Variants in PDE1A observed in about 807,000 individuals in gnomAD.
PDE1A encodes phosphodiesterase 1A.
PDE1A carries 35 observed loss-of-function variants against 61.7 expected under a neutral mutation model. That is an observed-to-expected ratio of 0.57 (90% CI 0.43 to 0.75). The LOEUF is 0.75. Ranked by LOEUF, PDE1A falls within the 30% of genes least tolerant of loss-of-function variation. The probability of loss-of-function intolerance (pLI) is 0.00; values close to 1 mark genes in which losing one functional copy is unlikely to be tolerated. For missense variants in PDE1A, 597 were observed against 630.6 expected, an observed-to-expected ratio of 0.95 and a Z score of 0.57; for synonymous variants, 232 against 213.2, an observed-to-expected ratio of 1.09 and a Z score of -0.77.
the PDE1A span, among the ~76,000 whole-genome samples, chr2:182,598,954 G>C: frequency 0.053 from 8,131 of 152,278 alleles, 247 homozygotes; most frequent in Middle Eastern, 0.085. Context: ...TGGGATGGAG[G>C]CTGGAGTTCT....
At chr2:182,684,283 T>C in the PDE1A span, among the ~76,000 whole-genome samples, 1 of 152,162 alleles carries the variant, frequency 6.6e-6, no homozygotes, top group African/African-American at 2.4e-5. Flanking sequence ...GACAATACCG[T>C]ATGTAATATA....
At chr2:182,201,663 A>AAAAAAAAAC in intron 9 of PDE1A, 25 bp downstream of exon 9, 1 of 1,517,994 alleles carries the variant, frequency 6.6e-7, no homozygotes, top group South Asian at 1.2e-5. Context: ...AAAAAAAAAA[A>AAAAAAAAAC]CAACAAAAAA....
At chr2:182,586,909 A>G in the PDE1A span, among the ~76,000 whole-genome samples, 1 of 152,222 alleles carries the variant, frequency 6.6e-6, no homozygotes, top group Non-Finnish European at 1.5e-5. Context: ...GTGGACAAGT[A>G]ATCTGTTAAT....
intron 7 of PDE1A, among the ~76,000 whole-genome samples, chr2:182,209,831 A>G (rs1687430955): frequency 6.6e-6 from 1 of 152,076 alleles, no homozygotes; most frequent in South Asian, 2.1e-4. Flanking sequence ...ATCTGGAACT[A>G]TGAGTCAATT....
intron 1 of PDE1A, among the ~76,000 whole-genome samples, chr2:182,394,090 C>T (rs529153738): frequency 6.6e-6 from 1 of 152,288 alleles, no homozygotes; most frequent in East Asian, 1.9e-4. Flanking sequence ...CATTTTCATG[C>T]ATTTTTAGAG....
the PDE1A span, among the ~76,000 whole-genome samples, chr2:182,709,237 A>G: frequency 6.6e-6 from 1 of 152,150 alleles, no homozygotes; most frequent in Non-Finnish European, 1.5e-5. Flanking sequence ...TTCAGCCCCA[A>G]ATTAAGTCTT....
At chr2:182,522,519 ACT>A (rs777669327) in intron 1 of PDE1A, 68 of 1,458,230 alleles carry the variant, frequency 4.7e-5, no homozygotes, top group Non-Finnish European at 6.1e-5. Flanking sequence ...CTGAGGGAAG[ACT>A]CTGACAGATT....
At chr2:182,409,919 T>A (rs1335773047) in intron 1 of PDE1A, among the ~76,000 whole-genome samples, 4 of 152,192 alleles carry the variant, frequency 2.6e-5, no homozygotes, top group Non-Finnish European at 5.9e-5. Context: ...GATAATAATT[T>A]TAATATAAAG....
chr2:182,211,816 T>C (rs973161353), intron 7 of PDE1A, among the ~76,000 whole-genome samples: 15 of 152,236 alleles, frequency 9.9e-5, no homozygotes, highest in Non-Finnish European at 1.6e-4. Context: ...ATTGCTGGCA[T>C]ATAGAAAAGC....
At chr2:182,658,029 A>T in the PDE1A span, among the ~76,000 whole-genome samples, 5 of 144,448 alleles carry the variant, frequency 3.5e-5, no homozygotes, top group Middle Eastern at 3.6e-3. Context: ...AGTACCTAGC[A>T]CATAAACAGC....
intron 8 of PDE1A, among the ~76,000 whole-genome samples, chr2:182,202,289 C>T (rs1182423913): frequency 1.3e-5 from 2 of 152,204 alleles, no homozygotes; most frequent in Admixed American, 6.5e-5. Context: ...GATTTCAAGA[C>T]CCTATCTGAT....
intron 1 of PDE1A, among the ~76,000 whole-genome samples, chr2:182,416,287 C>G (rs558715423): frequency 6.6e-6 from 1 of 152,156 alleles, no homozygotes; most frequent in Non-Finnish European, 1.5e-5. Context: ...TTTTAAAAAT[C>G]TCTTCAGGAT....
At chr2:182,470,969 C>G (rs1686989996) in intron 2 of PDE1A, among the ~76,000 whole-genome samples, 1 of 151,794 alleles carries the variant, frequency 6.6e-6, no homozygotes, top group African/African-American at 2.4e-5. Context: ...TTGTGCTTAA[C>G]TACTGCATGT....
chr2:182,268,716 T>C (rs1335161090), intron 1 of PDE1A, among the ~76,000 whole-genome samples: 3 of 152,148 alleles, frequency 2.0e-5, no homozygotes, highest in African/African-American at 7.2e-5. Flanking sequence ...CCCATGTTCC[T>C]ACCATTTGTT....
chr2:182,596,193 G>A, the PDE1A span, among the ~76,000 whole-genome samples: 7 of 152,196 alleles, frequency 4.6e-5, no homozygotes, highest in African/African-American at 1.4e-4. Flanking sequence ...TCTTTGGTAC[G>A]CTGGACCAGG....
intron 2 of PDE1A, chr2:182,242,070 A>C: frequency 1.5e-6 from 2 of 1,318,010 alleles, no homozygotes; most frequent in Non-Finnish European, 1.9e-6. Context: ...TTGTGGTGTA[A>C]TCTTGTGATG....
intron 1 of PDE1A, among the ~76,000 whole-genome samples, chr2:182,369,559 G>C (rs141064354): frequency 8.5e-5 from 13 of 152,136 alleles, no homozygotes; most frequent in East Asian, 7.7e-4. Flanking sequence ...GGTCTCTGGG[G>C]TGTCATATAA....
intron 2 of PDE1A, among the ~76,000 whole-genome samples, chr2:182,248,268 A>AG (rs11431216): frequency 0.073 from 10,761 of 147,956 alleles, 1,005 homozygotes; most frequent in African/African-American, 0.21. Flanking sequence ...AAAAAAAAAA[A>AG]GAAAAAAGCA....
chr2:182,310,011 CAG>C (rs1195881246), intron 1 of PDE1A, among the ~76,000 whole-genome samples: 3 of 152,024 alleles, frequency 2.0e-5, no homozygotes, highest in Admixed American at 6.6e-5. Flanking sequence ...AGGGAAGAGA[CAG>C]AGTTATCAGA....
Sources: gnomAD v4.1 joint callset for allele counts (sites outside exome capture counted in the v4.1 genomes callset) on GRCh38, gnomAD v4.1.1 for gene constraint, MANE v1.5 for transcripts, NCBI Gene and HGNC (gene_info 2026-07-23, HGNC 2026-07-21) for gene names.